TMEM132B: variants seen among roughly 807,000 people sequenced by gnomAD.
TMEM132B encodes transmembrane protein 132B.
TMEM132B carries 18 observed loss-of-function variants against 90.8 expected under a neutral mutation model. The observed-to-expected ratio is 0.20, with a 90% CI of 0.14 to 0.29. The LOEUF is 0.29. TMEM132B is among the 10% of genes least tolerant of loss of function. The pLI is 1.00. For synonymous variants in TMEM132B, 504 were observed against 523.3 expected, an observed-to-expected ratio of 0.96 and a Z score of 0.50; for missense variants, 1,096 against 1,326.8, an observed-to-expected ratio of 0.83 and a Z score of 2.70.
At chr12:125,303,186 CTT>C (rs1468492728) in intron 1 of TMEM132B, among the ~76,000 whole-genome samples, 1 of 152,078 alleles carries the variant, frequency 6.6e-6, no homozygotes, top group African/African-American at 2.4e-5. Flanking sequence ...CTCAAATCTA[CTT>C]TTTGTCTCTA....
chr12:125,375,423 A>T (rs1256747467), intron 2 of TMEM132B, among the ~76,000 whole-genome samples: 2 of 152,236 alleles, frequency 1.3e-5, no homozygotes, highest in African/African-American at 4.8e-5. Context: ...AAAGAGATAC[A>T]TTTTGTCGCT....
At chr12:125,563,566 A>AAAC in intron 4 of TMEM132B, among the ~76,000 whole-genome samples, 1 of 145,696 alleles carries the variant, frequency 6.9e-6, no homozygotes, top group East Asian at 2.1e-4. Context: ...CTCTGTCTCA[A>AAAC]AAACAAACAA....
intron 1 of TMEM132B, among the ~76,000 whole-genome samples, chr12:125,318,167 A>C (rs1367801296): frequency 7.1e-6 from 1 of 140,046 alleles, no homozygotes; most frequent in African/African-American, 2.8e-5. Context: ...ATATGTAGGC[A>C]CTATATACTA....
At chr12:125,647,073 G>A (rs1886782194) in intron 6 of TMEM132B, among the ~76,000 whole-genome samples, 1 of 152,122 alleles carries the variant, frequency 6.6e-6, no homozygotes, top group Non-Finnish European at 1.5e-5. Flanking sequence ...GAGAACAAAA[G>A]CCCTCAATAG....
At chr12:125,230,157 G>T (rs1300932184) in intron 1 of TMEM132B, among the ~76,000 whole-genome samples, 5 of 152,342 alleles carry the variant, frequency 3.3e-5, no homozygotes, top group Non-Finnish European at 7.3e-5. Flanking sequence ...AAGGTATTTT[G>T]GGAGGAGAGG....
intron 1 of TMEM132B, among the ~76,000 whole-genome samples, chr12:125,270,345 C>T (rs1225237392): frequency 2.6e-5 from 4 of 152,148 alleles, no homozygotes; most frequent in Non-Finnish European, 4.4e-5. Context: ...TGATCCTTTG[C>T]TCCCTAAGGC....
At chr12:125,634,980 A>G (rs1212893261) in intron 5 of TMEM132B, among the ~76,000 whole-genome samples, 1 of 152,160 alleles carries the variant, frequency 6.6e-6, no homozygotes, top group Non-Finnish European at 1.5e-5. Context: ...GGCCCAGTTC[A>G]GCACTAGGAC....
intron 4 of TMEM132B, among the ~76,000 whole-genome samples, chr12:125,525,153 G>T (rs1235537502): frequency 6.6e-6 from 1 of 152,120 alleles, no homozygotes; most frequent in African/African-American, 2.4e-5. Flanking sequence ...TAGTAGGCTT[G>T]CATACTAGGC....
chr12:125,323,494 T>G (rs1490896655), intron 1 of TMEM132B, among the ~76,000 whole-genome samples: 1 of 142,422 alleles, frequency 7.0e-6, no homozygotes, highest in African/African-American at 2.7e-5. Context: ...CTACCCTCTT[T>G]CTGCCTCTCA....
intron 6 of TMEM132B, 103 bp from the exon 7 acceptor site, chr12:125,650,580 A>C: frequency 2.2e-6 from 3 of 1,358,670 alleles, no homozygotes; most frequent in Non-Finnish European, 2.0e-6. Context: ...GAGAAGGACC[A>C]TTTCATTTCA....
intron 3 of TMEM132B, among the ~76,000 whole-genome samples, chr12:125,442,246 G>A (rs1880895235): frequency 3.3e-5 from 5 of 152,250 alleles, no homozygotes; most frequent in Admixed American, 3.3e-4. Context: ...TGAGGAAATA[G>A]AGGCAGGAAA....
chr12:125,244,737 G>A (rs1349750733), intron 1 of TMEM132B, among the ~76,000 whole-genome samples: 1 of 152,206 alleles, frequency 6.6e-6, no homozygotes, highest in Non-Finnish European at 1.5e-5. Flanking sequence ...AACCTTCAAA[G>A]CCATGCGAAG....
intron 1 of TMEM132B, among the ~76,000 whole-genome samples, chr12:125,312,925 C>A (rs956477344): frequency 6.6e-6 from 1 of 152,190 alleles, no homozygotes; most frequent in Non-Finnish European, 1.5e-5. Context: ...TTCCTTTAAC[C>A]CTTCTGCCTC....
In TMEM132B at chr12:125,267,555, T is replaced by C. The variant is rs182231622; in HGVS notation, c.67+80689T>C. On this transcript the variant is annotated intron_variant, in intron 1 of 8. Transcript: ENST00000682704. The stretch of plus-strand genomic sequence containing the variant: ...ATCCTCTCTCTTTTTGGTTTGTTCT[T>C]CTGATAGGCACATTGTCACACAGAA... Among the ~76,000 whole-genome samples the C allele has an allele frequency of 2.6e-5, 4 of 152,330 alleles. No individual in the cohort carries two copies. In the East Asian group the frequency reaches 7.7e-4, roughly 29 times the overall value.
At chr12:125,552,994 G>T (rs116513474) in intron 4 of TMEM132B, among the ~76,000 whole-genome samples, 2 of 152,248 alleles carry the variant, frequency 1.3e-5, no homozygotes, top group Non-Finnish European at 2.9e-5. Context: ...TGTGCAGGTT[G>T]CACACTGCTC....
At chr12:125,220,857 C>T (rs1324610408) in intron 1 of TMEM132B, among the ~76,000 whole-genome samples, 2 of 152,240 alleles carry the variant, frequency 1.3e-5, no homozygotes, top group Non-Finnish European at 2.9e-5. Context: ...AACCCACAGT[C>T]CTGAGCTTGG....
intron 1 of TMEM132B, among the ~76,000 whole-genome samples, chr12:125,313,839 T>C (rs957089997): frequency 4.0e-5 from 6 of 150,400 alleles, no homozygotes; most frequent in African/African-American, 1.5e-4. Context: ...AAATTCTTAA[T>C]ACTTTTTGAC....
intron 3 of TMEM132B, among the ~76,000 whole-genome samples, chr12:125,500,273 C>T (rs1196079485): frequency 6.6e-6 from 1 of 152,198 alleles, no homozygotes; most frequent in Admixed American, 6.5e-5. Flanking sequence ...AATGTCTCAG[C>T]TTTTGACACA....
chr12:125,578,634 G>A (rs1194489559), intron 4 of TMEM132B, among the ~76,000 whole-genome samples: 2 of 152,162 alleles, frequency 1.3e-5, no homozygotes, highest in East Asian at 3.9e-4. Context: ...GAGTCTGTTA[G>A]TGAAGAACTC....
Sources: allele counts gnomAD v4.1 joint callset (sites outside exome capture counted in the v4.1 genomes callset), GRCh38; gene constraint gnomAD v4.1.1; transcripts MANE v1.5; gene names NCBI Gene and HGNC (gene_info 2026-07-23, HGNC 2026-07-21).